The following TF variants were observed in gnomAD, a reference collection of about 807,000 sequenced individuals.
TF encodes the protein serotransferrin.
TF carries 55 observed loss-of-function variants against 82.4 expected under a neutral mutation model. The ratio of observed to expected loss-of-function variants is 0.67; its 90% CI spans 0.54 to 0.84. The LOEUF (loss-of-function observed/expected upper bound fraction) is 0.84. Ranked by LOEUF, TF falls within the 40% of genes least tolerant of loss-of-function variation. The pLI, the probability that TF is intolerant of heterozygous loss-of-function variation, is 0.00. For missense variants in TF, 737 were observed against 868.4 expected, an observed-to-expected ratio of 0.85 and a Z score of 1.90; for synonymous variants, 332 against 332.6, an observed-to-expected ratio of 1.00 and a Z score of 0.02.
At chr3:133,671,133 C>T in the TF span, among the ~76,000 whole-genome samples, 1 of 152,206 alleles carries the variant, frequency 6.6e-6, no homozygotes, top group African/African-American at 2.4e-5. Context: ...CCTGTTACTA[C>T]TGTAACAAAA....
At chr3:133,700,654 G>A in the TF span, among the ~76,000 whole-genome samples, 188 of 152,298 alleles carry the variant, frequency 1.2e-3, no homozygotes, top group African/African-American at 4.4e-3. Flanking sequence ...GATGGATCTG[G>A]GGGGTGGCCC....
chr3:133,664,080 G>A, the TF span, among the ~76,000 whole-genome samples: 1 of 152,134 alleles, frequency 6.6e-6, no homozygotes, highest in African/African-American at 2.4e-5. Flanking sequence ...GGAATTTTGG[G>A]GGAATGAAAA....
the TF span, among the ~76,000 whole-genome samples, chr3:133,666,204 G>C: frequency 6.6e-5 from 10 of 151,970 alleles, no homozygotes; most frequent in African/African-American, 2.4e-4. Context: ...ATGGAGTCTC[G>C]CTCTGTCGCC....
At chr3:133,681,650 G>A in the TF span, among the ~76,000 whole-genome samples, 1 of 152,168 alleles carries the variant, frequency 6.6e-6, no homozygotes, top group African/African-American at 2.4e-5. Flanking sequence ...GTGAGGCTGG[G>A]GGAGGGGCGC....
At chr3:133,742,368 G>A (rs1328409852), upstream of TF, among the ~76,000 whole-genome samples, 3 of 152,074 alleles carry the variant, frequency 2.0e-5, no homozygotes, top group South Asian at 6.2e-4. Flanking sequence ...ACTCCCCTGT[G>A]AAAAGAATGG....
chr3:133,750,686 G>A (rs8177197), intron 2 of TF, among the ~76,000 whole-genome samples: 41,321 of 151,938 alleles, frequency 0.27, 6,415 homozygotes, highest in East Asian at 0.42. Flanking sequence ...GTGATTTCTT[G>A]GTGTCTTGGC....
intron 1 of TF, among the ~76,000 whole-genome samples, chr3:133,747,629 G>A (rs1329616623): frequency 6.6e-6 from 1 of 152,216 alleles, no homozygotes; most frequent in Non-Finnish European, 1.5e-5. Context: ...AGTTACCCAT[G>A]GCTGGCTTCA....
the TF span, among the ~76,000 whole-genome samples, chr3:133,714,501 A>C: frequency 6.6e-6 from 1 of 152,216 alleles, no homozygotes; most frequent in Non-Finnish European, 1.5e-5. Flanking sequence ...ATTACATTAA[A>C]TCTGGATGAA....
the TF span, among the ~76,000 whole-genome samples, chr3:133,731,098 G>T: frequency 3.0e-4 from 46 of 152,180 alleles, no homozygotes; most frequent in Non-Finnish European, 5.9e-4. Flanking sequence ...GGTGAACTTT[G>T]ATCTTCTTTT....
chr3:133,710,152 A>G, the TF span: 1 of 152,662 alleles, frequency 6.6e-6, no homozygotes, highest in Non-Finnish European at 1.5e-5. Flanking sequence ...GATCAGGCGC[A>G]TTCAGGGTGG....
chr3:133,709,187 A>G, the TF span, among the ~76,000 whole-genome samples: 1 of 152,202 alleles, frequency 6.6e-6, no homozygotes, highest in South Asian at 2.1e-4. Flanking sequence ...TAACATCTCC[A>G]AGAATTTATT....
the TF span, among the ~76,000 whole-genome samples, chr3:133,699,196 A>G: frequency 1.3e-5 from 2 of 152,198 alleles, no homozygotes; most frequent in South Asian, 4.1e-4. Context: ...CTATTAGCAG[A>G]GCCAGGCAGT....
the TF span, among the ~76,000 whole-genome samples, chr3:133,730,197 A>T: frequency 2.6e-5 from 4 of 152,114 alleles, no homozygotes; most frequent in South Asian, 2.1e-4. Context: ...CCAGCCTAGA[A>T]CTCAGTCCTA....
the TF span, among the ~76,000 whole-genome samples, chr3:133,681,022 C>T: frequency 1.3e-5 from 2 of 152,348 alleles, no homozygotes; most frequent in Middle Eastern, 6.8e-3. Flanking sequence ...TTGTAAACTT[C>T]ACCTTCTAGA....
the TF span, among the ~76,000 whole-genome samples, chr3:133,718,783 C>T: frequency 7.2e-5 from 11 of 152,154 alleles, no homozygotes; most frequent in Non-Finnish European, 1.5e-4. Context: ...AAAGCAGGAA[C>T]GCTGAGGTGA....
the TF span, among the ~76,000 whole-genome samples, chr3:133,715,468 G>A: frequency 6.6e-6 from 1 of 152,022 alleles, no homozygotes; most frequent in African/African-American, 2.4e-5. Context: ...CTTTTTCTGT[G>A]GCAGCATCAA....
At chr3:133,747,502 C>G (rs970687215) in intron 1 of TF, among the ~76,000 whole-genome samples, 2 of 152,218 alleles carry the variant, frequency 1.3e-5, no homozygotes, top group Non-Finnish European at 1.5e-5. Flanking sequence ...TCTTCAGAGC[C>G]AGTGAGTCAG....
chr3:133,680,045 C>T, the TF span, among the ~76,000 whole-genome samples: 1 of 152,058 alleles, frequency 6.6e-6, no homozygotes, highest in Non-Finnish European at 1.5e-5. Context: ...AATTACATTT[C>T]TCTGGGGACT....
chr3:133,678,913 C>T, the TF span, among the ~76,000 whole-genome samples: 1 of 151,916 alleles, frequency 6.6e-6, no homozygotes, highest in African/African-American at 2.4e-5. Flanking sequence ...CACTCTGTTA[C>T]CCAGGCTGGA....
Sources: gnomAD v4.1 joint callset for allele counts (sites outside exome capture counted in the v4.1 genomes callset) on GRCh38, gnomAD v4.1.1 for gene constraint, MANE v1.5 for transcripts, NCBI Gene and HGNC (gene_info 2026-07-23, HGNC 2026-07-21) for gene names.